Variants in PPP2R2B observed in about 807,000 individuals in gnomAD.
PPP2R2B encodes the protein serine/threonine-protein phosphatase 2A 55 kDa regulatory subunit B beta isoform.
Under a neutral mutation model 46.0 loss-of-function variants are expected in PPP2R2B, and 5 were observed. That is an observed-to-expected ratio of 0.11 (90% CI 0.06 to 0.23). PPP2R2B has a LOEUF of 0.23. Among genes scored for constraint, PPP2R2B ranks in the 10% least tolerant of loss-of-function variants. The pLI, the probability that PPP2R2B is intolerant of heterozygous loss-of-function variation, is 1.00. For synonymous variants in PPP2R2B, 215 were observed against 206.7 expected, an observed-to-expected ratio of 1.04 and a Z score of -0.34; for missense variants, 367 against 575.0, an observed-to-expected ratio of 0.64 and a Z score of 3.70.
intron 2 of PPP2R2B, among the ~76,000 whole-genome samples, chr5:146,819,256 G>GT (rs1389243265): frequency 6.6e-6 from 1 of 152,186 alleles, no homozygotes; most frequent in Non-Finnish European, 1.5e-5. Flanking sequence ...AGATAAAGAT[G>GT]TTTTTTCTTC....
In PPP2R2B at chr5:146,878,681, G is replaced by A; in HGVS notation, c.-215C>T. 1 of 1,286,740 alleles carries A rather than the reference G, an allele frequency of 7.8e-7. No individual in the cohort carries two copies. Among genetic ancestry groups the A allele is most frequent in the Non-Finnish European group, 1.0e-6 (1 of 989,568 alleles). 79.7% of individuals were successfully genotyped at this position (1,286,740 alleles called of 1,614,324 possible). On this transcript the variant is annotated 5_prime_UTR_variant, in exon 1 of 10. Coordinates refer to ENST00000394411, the MANE Select transcript of PPP2R2B (RefSeq NM_181675.4). The surrounding 1 kb of genome is among the most constrained non-coding windows in gnomAD (Gnocchi z 4.5). Reference sequence around the variant, plus strand: ...GCGGGGAGCTGGGCAGGGCGCTGCAGCCGGCGCCAGCGCACTCACCCTCAC... The same window carrying A: ...GCGGGGAGCTGGGCAGGGCGCTGCAACCGGCGCCAGCGCACTCACCCTCAC...
At chr5:146,771,855 T>C (rs1458367027) in intron 2 of PPP2R2B, among the ~76,000 whole-genome samples, 3 of 152,116 alleles carry the variant, frequency 2.0e-5, no homozygotes, top group African/African-American at 7.2e-5. Context: ...TCCTGGCCCA[T>C]AAAAAGTATT....
chr5:146,893,877 A>G (rs901458948), intron 1 of PPP2R2B, among the ~76,000 whole-genome samples: 3 of 81,258 alleles, frequency 3.7e-5, no homozygotes, highest in Non-Finnish European at 6.9e-5. Context: ...ACTTAAAGTA[A>G]AATTGAAAAA....
At chr5:146,728,138 C>CTTTTTTT (rs757396751) in intron 2 of PPP2R2B, among the ~76,000 whole-genome samples, 14 of 82,512 alleles carry the variant, frequency 1.7e-4, no homozygotes, top group East Asian at 3.8e-4. Context: ...GAAACACTTA[C>CTTTTTTT]TTTTTTTTTT....
At position 146,721,360 on chromosome 5, in the gene PPP2R2B, C is replaced by A. The variant is rs1475793651; in HGVS notation, c.71-20218G>T. ...CCAAATGGATTGATTACCTTGTCTG[C>A]AAAAGTCTTTCAAACATCTGGGGCC... On this transcript the variant is annotated intron_variant, in intron 2 of 9. Coordinates refer to ENST00000394411, the MANE Select transcript of PPP2R2B (RefSeq NM_181675.4). 2.6e-5 allele frequency among the ~76,000 whole-genome samples: 4 copies of A among 152,160 alleles called. No individual in the cohort carries two copies. The South Asian group carries it at 8.3e-4, about 32-fold the overall frequency.
At chr5:146,810,893 G>T (rs1431780306) in intron 2 of PPP2R2B, among the ~76,000 whole-genome samples, 5 of 109,422 alleles carry the variant, frequency 4.6e-5, no homozygotes, top group African/African-American at 1.5e-4. Context: ...CCCACAACAG[G>T]CCCCAGTGTG....
At chr5:147,081,309 A>T (rs1448397489) in exon 1 of PPP2R2B, 2 of 1,535,416 alleles carry the variant, frequency 1.3e-6, no homozygotes, top group South Asian at 2.4e-5. Flanking sequence ...GAGGACGGTC[A>T]GTCTGCAAGT....
At chr5:146,834,543 G>T (rs1374033818) in intron 2 of PPP2R2B, among the ~76,000 whole-genome samples, 1 of 152,150 alleles carries the variant, frequency 6.6e-6, no homozygotes, top group African/African-American at 2.4e-5. Flanking sequence ...AACTCTGATT[G>T]GTGCTCTGAG....
At chr5:146,986,215 G>A (rs1157873503) in intron 1 of PPP2R2B, among the ~76,000 whole-genome samples, 1 of 152,082 alleles carries the variant, frequency 6.6e-6, no homozygotes, top group Non-Finnish European at 1.5e-5. Flanking sequence ...ATCAGTTTGG[G>A]AGAGAGAGAG....
intron 1 of PPP2R2B, among the ~76,000 whole-genome samples, chr5:146,906,996 C>T (rs1431475861): frequency 2.0e-5 from 3 of 152,164 alleles, no homozygotes; most frequent in Admixed American, 6.5e-5. Context: ...AGGAAGGGGG[C>T]GCTGCAGGGA....
At chr5:146,985,885 C>T (rs1753407299) in intron 1 of PPP2R2B, among the ~76,000 whole-genome samples, 1 of 151,964 alleles carries the variant, frequency 6.6e-6, no homozygotes, top group South Asian at 2.1e-4. Context: ...GATACAAAAT[C>T]ACAAAAATTG....
intron 1 of PPP2R2B, among the ~76,000 whole-genome samples, chr5:147,004,436 A>G (rs1017850780): frequency 6.6e-6 from 1 of 152,152 alleles, no homozygotes; most frequent in South Asian, 2.1e-4. Context: ...TTCCTCCTGG[A>G]CACTGGCATG....
chr5:146,715,814 C>G (rs771788322), intron 2 of PPP2R2B, among the ~76,000 whole-genome samples: 48 of 152,078 alleles, frequency 3.2e-4, no homozygotes, highest in Non-Finnish European at 5.0e-4. Flanking sequence ...TATACTATCT[C>G]TTCTTTTTTC....
intron 7 of PPP2R2B, among the ~76,000 whole-genome samples, chr5:146,619,091 C>A (rs1773456619): frequency 6.6e-6 from 1 of 152,016 alleles, no homozygotes. Context: ...GAGGTCTGAC[C>A]CATCTACTAC....
At chr5:146,812,755 A>T (rs1757661024) in intron 2 of PPP2R2B, among the ~76,000 whole-genome samples, 1 of 38,324 alleles carries the variant, frequency 2.6e-5, no homozygotes, top group African/African-American at 8.5e-5. Flanking sequence ...TACTGCTATC[A>T]CTAGAGTTAC....
intron 5 of PPP2R2B, among the ~76,000 whole-genome samples, chr5:146,671,623 T>C (rs896275497): frequency 6.6e-6 from 1 of 152,212 alleles, no homozygotes; most frequent in African/African-American, 2.4e-5. Flanking sequence ...AAGTACTGCA[T>C]GAAGCAGATA....
intron 5 of PPP2R2B, among the ~76,000 whole-genome samples, chr5:146,666,611 C>T (rs1581828026): frequency 6.6e-6 from 1 of 152,298 alleles, no homozygotes; most frequent in Admixed American, 6.5e-5. Flanking sequence ...CTTTGCACAA[C>T]AGCACTTCAG....
intron 5 of PPP2R2B, among the ~76,000 whole-genome samples, chr5:146,675,847 C>A (rs767447940): frequency 3.3e-5 from 5 of 151,830 alleles, no homozygotes; most frequent in African/African-American, 4.8e-5. Flanking sequence ...TGGCCCACTG[C>A]TTGCACAGAA....
chr5:146,945,408 C>T (rs1764449040), intron 1 of PPP2R2B, among the ~76,000 whole-genome samples: 2 of 152,146 alleles, frequency 1.3e-5, no homozygotes, highest in Admixed American at 1.3e-4. Flanking sequence ...TTCTTTTCTG[C>T]CAAACAGATT....
Sources: gnomAD v4.1 joint callset for allele counts (sites outside exome capture counted in the v4.1 genomes callset) on GRCh38, gnomAD v4.1.1 for gene constraint, Gnocchi (gnomAD v3.1) non-coding constraint, MANE v1.5 for transcripts, NCBI Gene and HGNC (gene_info 2026-07-23, HGNC 2026-07-21) for gene names.